The following SRCAP variants were observed in gnomAD, a reference collection of about 807,000 sequenced individuals.
The protein encoded by SRCAP is Snf2 related CREBBP activator protein, also known as chromatin remodeling protein SRCAP.
Under a neutral mutation model 263.1 loss-of-function variants are expected in SRCAP, and 46 were observed. The observed-to-expected ratio is 0.17, with a 90% confidence interval of 0.14 to 0.22. The LOEUF is 0.22. Among genes scored for constraint, SRCAP ranks in the 10% least tolerant of loss-of-function variants. The pLI, the probability that SRCAP is intolerant of heterozygous loss-of-function variation, is 1.00. For synonymous variants in SRCAP, 1,813 were observed against 1,662.1 expected, an observed-to-expected ratio of 1.09 and a Z score of -2.21; for missense variants, 3,695 against 4,181.9, an observed-to-expected ratio of 0.88 and a Z score of 3.21.
chr16:30,724,583 C>A lies in SRCAP; in HGVS notation c.5159C>A (p.Pro1720Gln). 1.2e-6 allele frequency: 2 copies of A among 1,614,196 alleles called. No individual in the cohort carries two copies. Among genetic ancestry groups the A allele is most frequent in the South Asian group, 2.2e-5 (2 of 91,086 alleles). Reference protein sequence around the residue: ...PFPTQTLSLTPASSLVPTPAQ... With the variant: ...PFPTQTLSLTQASSLVPTPAQ... ...CCAACTCAGACATTGTCATTAACTC[C>A]AGCATCATCCCTGGTACCAACTCCA... The change falls in exon 25 of 34, where the codon CCA becomes CAA. Residue 1720 changes from proline to glutamine, a missense_variant. Coordinates refer to ENST00000262518, the MANE Select transcript of SRCAP (RefSeq NM_006662.3).
intron 18 of SRCAP, among the ~76,000 whole-genome samples, chr16:30,718,513 G>A (rs879583326): frequency 2.2e-5 from 3 of 134,578 alleles, no homozygotes; most frequent in African/African-American, 5.7e-5. Context: ...TTACTCTGTC[G>A]CTCAGGCTGG....
rs773727840 is a variant in SRCAP, at chr16:30,709,711, C to G, written c.832C>G (p.Pro278Ala). The change falls in exon 7 of 34, where the codon CCT (proline) becomes GCT (alanine). Residue 278 changes from proline (P) to alanine (A), a missense_variant. Pro to Ala is a conservative substitution (Grantham distance 27). Transcript: ENST00000262518. ...SSSAASSPPP[P>A]ASRLDDEDGD... ...CTCAGCTGCCTCCAGTCCTCCACCC[C>G]CTGCTTCTCGCCTGGATGATGAAGG... The G allele has an allele frequency of 1.1e-5, 18 of 1,614,182 alleles. No individual in the cohort carries two copies. In the East Asian group the frequency reaches 2.0e-4, roughly 18 times the overall value.
chr16:30,710,210 T>C, intron 8 of SRCAP, 82 bp downstream of exon 8: 1 of 1,448,506 alleles, frequency 6.9e-7, no homozygotes, highest in African/African-American at 1.4e-5. Context: ...GCTGTGAGGT[T>C]GGTTATGAGT....
At position 30,723,739 on chromosome 16, in the gene SRCAP, C is replaced by T. The variant is rs920267060; in HGVS notation, c.4315C>T (p.Leu1439Phe). 6.2e-7 allele frequency: 1 copy of T among 1,614,128 alleles called. No individual in the cohort carries two copies. The highest frequency in any genetic ancestry group is 1.6e-4 in the Middle Eastern group (1 of 6,062). The change falls in exon 25 of 34, where the codon CTC (leucine) becomes TTC (phenylalanine). Residue 1439 changes from leucine (L) to phenylalanine (F), a missense_variant. By Grantham distance (22) the Leu-to-Phe change is conservative. This residue lies in a region of SRCAP where 1,347 missense variants were observed against 1,304.4 expected (regional missense o/e 1.03). Transcript: ENST00000262518. ...AGTCTCAGTTCCATTGTCATCTTCA[C>T]TCCCCATCTCTGTCCCCACCACACT... ...STVSVPLSSS[L>F]PISVPTTLPA...
Position 30,716,396 on chromosome 16 carries a change from G to T in SRCAP, c.2734G>T (p.Val912Phe). Reference protein sequence around the residue: ...NHPNLFDPRPVTSPFITPGIC... With the variant: ...NHPNLFDPRPFTSPFITPGIC... ...TCCAAATCTGTTCGACCCTCGACCG[G>T]TTACCTCCCCTTTCATCACCCCAGG... The change falls in exon 18 of 34, where the codon GTT becomes TTT. Residue 912 changes from valine (V) to phenylalanine (F), a missense_variant. Transcript: ENST00000262518. The T allele has an allele frequency of 3.7e-6, 6 of 1,614,144 alleles. No individual in the cohort carries two copies. The highest frequency in any genetic ancestry group is 5.1e-6 in the Non-Finnish European group (6 of 1,180,028).
chr16:30,723,525 A>G, intron 24 of SRCAP, 59 bp from the exon 25 acceptor site: 1 of 1,552,150 alleles, frequency 6.4e-7, no homozygotes, highest in Non-Finnish European at 8.7e-7. Flanking sequence ...AAGATGGGAC[A>G]GGGAGTAGAA....
intron 27 of SRCAP, among the ~76,000 whole-genome samples, chr16:30,730,687 C>T (rs1197183767): frequency 2.0e-5 from 3 of 150,456 alleles, no homozygotes; most frequent in Non-Finnish European, 4.4e-5. Context: ...ACCTTGGCCT[C>T]CCAAAGTGCT....
Position 30,729,098 on chromosome 16 carries a change from C to T in SRCAP, c.5791C>T (p.Pro1931Ser), listed in dbSNP as rs758064973. 6.2e-7 allele frequency: 1 copy of T among 1,614,228 alleles called. No homozygotes were observed. The highest frequency in any genetic ancestry group is 8.5e-7 in the Non-Finnish European group (1 of 1,180,042). The change falls in exon 26 of 34, where the codon CCT becomes TCT. Residue 1931 changes from proline to serine, a missense_variant. Physicochemically the swap from Pro to Ser is moderately conservative, Grantham distance 74. This residue lies in a region of SRCAP where 1,347 missense variants were observed against 1,304.4 expected (regional missense o/e 1.03). Coordinates refer to ENST00000262518, the MANE Select transcript of SRCAP (RefSeq NM_006662.3). ...CCTGGATTTCTGTACCCTGCCCCAACCTGTTGCCAGCCCCATCGGCCCTCG... is the reference window on the plus strand; with the variant it reads ...CCTGGATTTCTGTACCCTGCCCCAATCTGTTGCCAGCCCCATCGGCCCTCG... The part of the protein sequence containing the change: ...EVLDFCTLPQ[P>S]VASPIGPRSP...
rs778087852 is a variant in SRCAP at position 30,739,684 on chromosome 16, C to T, written c.9644C>T (p.Ser3215Phe). 1.3e-6 allele frequency: 2 copies of T among 1,537,712 alleles called. No homozygotes were observed. The highest frequency in any genetic ancestry group is 1.7e-6 in the Non-Finnish European group (2 of 1,143,730). The change falls in exon 34 of 34, where the codon TCC becomes TTC. Residue 3215 changes from serine to phenylalanine, a missense_variant. By Grantham distance (155) the Ser-to-Phe change is radical. Coordinates refer to ENST00000262518, the MANE Select transcript of SRCAP (RefSeq NM_006662.3). ...QRILRSSAPP[S>F]LAGPAVSHRG... is the part of the protein sequence containing the mutation. ...ATCCTGCGCAGCAGCGCCCCTCCCT[C>T]CCTGGCTGGCCCTGCTGTTAGTCAC...
rs1439868572 is a variant in SRCAP at position 30,733,794 on chromosome 16, T to C, written c.6490T>C (p.Tyr2164His). The C allele has an allele frequency of 1.9e-6, 3 of 1,613,188 alleles. No individual in the cohort carries two copies. Among genetic ancestry groups the C allele is most frequent in the East Asian group, 2.2e-5 (1 of 44,860 alleles). ...TGGCCAGACCCGGGATGTCCACATATATAGGTATTGCCTAGTCTTCCCTCA... is the reference window on the plus strand; with the variant it reads ...TGGCCAGACCCGGGATGTCCACATACATAGGTATTGCCTAGTCTTCCCTCA... The part of the protein sequence containing the change: ...RIGQTRDVHI[Y>H]RLISERTVEE... The change falls in exon 29 of 34, where the codon TAT becomes CAT. Residue 2164 changes from tyrosine (Y) to histidine (H), a missense_variant. Physicochemically the swap from Tyr to His is moderately conservative, Grantham distance 83 (BLOSUM62 2). This residue lies in a region of SRCAP where 138 missense variants were observed against 254.9 expected (regional missense o/e 0.54). Coordinates refer to ENST00000262518, the MANE Select transcript of SRCAP (RefSeq NM_006662.3). The surrounding 1 kb of genome is among the most constrained non-coding windows in gnomAD (Gnocchi z 5.3).
intron 18 of SRCAP, among the ~76,000 whole-genome samples, chr16:30,719,887 G>A (rs1227757023): frequency 1.3e-5 from 2 of 152,116 alleles, no homozygotes; most frequent in African/African-American, 2.4e-5. Context: ...GAGGTTTGGC[G>A]TACGATTGAT....
intron 16 of SRCAP, among the ~76,000 whole-genome samples, chr16:30,714,073 T>A (rs942791327): frequency 4.0e-5 from 6 of 150,052 alleles, no homozygotes; most frequent in African/African-American, 1.5e-4. Flanking sequence ...AATTTTTTTT[T>A]TTTTTTTTTT....
At chr16:30,705,243 T>G (rs1415690906) in intron 4 of SRCAP, among the ~76,000 whole-genome samples, 1 of 152,026 alleles carries the variant, frequency 6.6e-6, no homozygotes, top group Non-Finnish European at 1.5e-5. Context: ...GAGGTTGCAG[T>G]GACCTGAGAT....
rs369524604 is a variant in SRCAP, at chr16:30,728,961, C to T, written c.5659-5C>T. The T allele has an allele frequency of 1.9e-5, 31 of 1,608,876 alleles. No individual in the cohort carries two copies. Among genetic ancestry groups the T allele is most frequent in the Admixed American group, 1.2e-4 (7 of 59,680 alleles). ...GATTACTTCCTCTTTTTCTCTCACC[C>T]CCAGGACTCCCTGGAGGAAAAGCGG... On this transcript the variant is annotated splice_polypyrimidine_tract_variant and splice_region_variant and intron_variant, in intron 25 of 33. Transcript: ENST00000262518.
chr16:30,720,627 C>T (rs970768093), intron 19 of SRCAP, 86 bp from the exon 20 acceptor site: 2 of 1,408,484 alleles, frequency 1.4e-6, no homozygotes, highest in Non-Finnish European at 1.9e-6. Context: ...TAATCTGTCT[C>T]TCTGTTTCAT....
chr16:30,740,018 C>T lies in SRCAP; in HGVS notation c.*285C>T. ...TACTTGATTCCCCAGCTGTCTTTCACACAGCCCCCCACCCTTAGGGGAAGG... is the reference window on the plus strand; with the variant it reads ...TACTTGATTCCCCAGCTGTCTTTCATACAGCCCCCCACCCTTAGGGGAAGG... On this transcript the variant is annotated 3_prime_UTR_variant, in exon 34 of 34. Transcript: ENST00000262518. 3.1e-6 allele frequency: 1 copy of T among 327,090 alleles called. No individual in the cohort carries two copies. The highest frequency in any genetic ancestry group is 5.5e-6 in the Non-Finnish European group (1 of 182,012). The allele number at this position is 327,090 out of a possible 1,614,324, so 20.3% of individuals were successfully genotyped here. A position where few individuals can be genotyped will look rare whatever the true frequency, so the allele number is the denominator to read the frequency against.
intron 3 of SRCAP, among the ~76,000 whole-genome samples, chr16:30,701,700 G>T (rs1383483704): frequency 4.7e-5 from 7 of 149,772 alleles, no homozygotes; most frequent in African/African-American, 1.7e-4. Flanking sequence ...CGCGATCTCG[G>T]CTCACTGCAA....
At chr16:30,709,828 G>C (rs1490689935) in intron 7 of SRCAP, 23 bp from the exon 8 acceptor site, 1 of 1,613,488 alleles carries the variant, frequency 6.2e-7, no homozygotes, top group Non-Finnish European at 8.5e-7. Flanking sequence ...CGTGGACTTT[G>C]TGACCTTGTT....
At chr16:30,730,005 C>T (rs952976620) in intron 27 of SRCAP, among the ~76,000 whole-genome samples, 5 of 152,070 alleles carry the variant, frequency 3.3e-5, no homozygotes, top group South Asian at 2.1e-4. Flanking sequence ...TGACCTCAAG[C>T]GATCCTCCCG....
Sources: gnomAD v4.1 joint callset for allele counts (sites outside exome capture counted in the v4.1 genomes callset) on GRCh38, gnomAD v4.1.1 for gene constraint, gnomAD v4.1.1 regional missense constraint, Gnocchi (gnomAD v3.1) non-coding constraint, MANE v1.5 for transcripts, NCBI Gene and HGNC (gene_info 2026-07-23, HGNC 2026-07-21) for gene names.